The following GAS7 variants were observed in gnomAD, a reference collection of about 807,000 sequenced individuals.
The protein encoded by GAS7 is growth arrest specific 7.
Under a neutral mutation model 71.1 loss-of-function variants are expected in GAS7, and 28 were observed. The observed-to-expected ratio is 0.39, with a 90% CI of 0.29 to 0.54. GAS7 has a LOEUF of 0.54. GAS7 is among the 20% of genes least tolerant of loss of function. The pLI, the probability that GAS7 is intolerant of heterozygous loss-of-function variation, is 0.62. For missense variants in GAS7, 436 were observed against 627.8 expected (o/e 0.69, Z 3.27); for synonymous variants, 258 against 245.8 (o/e 1.05, Z -0.46).
At chr17:10,032,326 T>C (rs2072642213) in intron 1 of GAS7, among the ~76,000 whole-genome samples, 2 of 152,188 alleles carry the variant, frequency 1.3e-5, no homozygotes, top group African/African-American at 4.8e-5. Flanking sequence ...CTCCATTTCC[T>C]GATGAACTGT....
chr17:10,134,851 T>TA, intron 1 of GAS7, among the ~76,000 whole-genome samples: 1 of 151,880 alleles, frequency 6.6e-6, no homozygotes, highest in Admixed American at 6.6e-5. Context: ...TTTTTTTTTT[T>TA]AAGACAGTCT....
chr17:9,992,727 T>A (rs1360518888), intron 2 of GAS7, among the ~76,000 whole-genome samples: 1 of 151,470 alleles, frequency 6.6e-6, no homozygotes, highest in Non-Finnish European at 1.5e-5. Flanking sequence ...TAGCATTAGG[T>A]ATATCTCCCA....
At chr17:10,124,163 G>A (rs12602519) in intron 1 of GAS7, among the ~76,000 whole-genome samples, 46,305 of 152,174 alleles carry the variant, frequency 0.3, 7,739 homozygotes, top group East Asian at 0.48. Context: ...GGCTCCCCGC[G>A]CGGCTCCCAG....
At chr17:10,093,878 A>C (rs1232099465) in intron 1 of GAS7, among the ~76,000 whole-genome samples, 1 of 152,114 alleles carries the variant, frequency 6.6e-6, no homozygotes, top group Non-Finnish European at 1.5e-5. Flanking sequence ...CTCATTTTAA[A>C]TCCTTTGCTG....
At chr17:10,177,446 G>A (rs756959236) in intron 1 of GAS7, among the ~76,000 whole-genome samples, 1 of 152,100 alleles carries the variant, frequency 6.6e-6, no homozygotes, top group Non-Finnish European at 1.5e-5. Context: ...TGGAGATCAG[G>A]TGTGGAGAGG....
chr17:10,044,886 C>G (rs1030137337), intron 1 of GAS7, among the ~76,000 whole-genome samples: 2 of 151,950 alleles, frequency 1.3e-5, no homozygotes, highest in African/African-American at 4.8e-5. Context: ...AACTCCATCT[C>G]TACTGAAAAT....
At position 9,914,289 on chromosome 17, in the gene GAS7, C is replaced by T. The variant is rs778214212; in HGVS notation, c.*2939G>A. 2 of 191,690 alleles carry T rather than the reference C, an allele frequency of 1.0e-5. No homozygotes were observed. The highest frequency in any genetic ancestry group is 2.2e-5 in the Non-Finnish European group (2 of 91,568). The allele number at this position is 191,690 out of a possible 1,614,324, so 11.9% of individuals were successfully genotyped here. On this transcript the variant is annotated 3_prime_UTR_variant, in exon 14 of 14. Transcript: ENST00000432992. Reference sequence around the variant, plus strand: ...TCACCCAAGCTGGAGTGCAGTGGCCCGATCTTGGTTCACTGCAATCTCCGC... The same window carrying T: ...TCACCCAAGCTGGAGTGCAGTGGCCTGATCTTGGTTCACTGCAATCTCCGC...
chr17:9,929,536 G>C (rs987652704), intron 9 of GAS7, among the ~76,000 whole-genome samples: 1 of 152,004 alleles, frequency 6.6e-6, no homozygotes, highest in Non-Finnish European at 1.5e-5. Flanking sequence ...GTGCAATGGC[G>C]CAATCTTGGC....
chr17:9,970,021 A>G (rs530502538), intron 3 of GAS7, among the ~76,000 whole-genome samples: 1 of 152,306 alleles, frequency 6.6e-6, no homozygotes, highest in East Asian at 1.9e-4. Flanking sequence ...AGCAAAAGGA[A>G]TGTGCCTAAC....
At chr17:9,971,920 G>A (rs996678460) in intron 3 of GAS7, among the ~76,000 whole-genome samples, 7 of 152,190 alleles carry the variant, frequency 4.6e-5, no homozygotes, top group Admixed American at 6.5e-5. Context: ...CGGAGAACCC[G>A]TCTCCTGCTC....
At chr17:10,032,050 A>G (rs571661372) in intron 1 of GAS7, among the ~76,000 whole-genome samples, 10 of 151,488 alleles carry the variant, frequency 6.6e-5, no homozygotes, top group Non-Finnish European at 1.3e-4. Context: ...AGCTCCAGAA[A>G]TAACAAGGGA....
intron 1 of GAS7, among the ~76,000 whole-genome samples, chr17:10,057,691 C>T (rs74323262): frequency 1.6e-4 from 24 of 152,080 alleles, no homozygotes; most frequent in African/African-American, 5.3e-4. Flanking sequence ...TCTGCCTGGC[C>T]GCCCCTTCTG....
intron 8 of GAS7, among the ~76,000 whole-genome samples, chr17:9,937,388 A>G (rs1730869381): frequency 6.6e-6 from 1 of 152,230 alleles, no homozygotes; most frequent in Admixed American, 6.5e-5. Flanking sequence ...AAGACTCCGG[A>G]GTGGCACAGT....
chr17:9,995,132 G>A (rs2070989246), intron 2 of GAS7, among the ~76,000 whole-genome samples: 1 of 152,204 alleles, frequency 6.6e-6, no homozygotes. Context: ...CTGGCTGGAA[G>A]AAGAATCTCT....
intron 1 of GAS7, among the ~76,000 whole-genome samples, chr17:10,143,677 G>A (rs1367321972): frequency 6.6e-6 from 1 of 152,188 alleles, no homozygotes; most frequent in Non-Finnish European, 1.5e-5. Context: ...GGTACAGAGG[G>A]AGGACCACGT....
rs547693374 is a variant in GAS7, at chr17:9,925,458, C to A, written c.1138+18G>T. The A allele has an allele frequency of 3.1e-6, 5 of 1,613,618 alleles. No homozygotes were observed. The highest frequency in any genetic ancestry group is 2.7e-5 in the African/African-American group (2 of 75,044). ...TTCTGTGTGCACTGACCAGGCCAGG[C>A]GGGTGCCCAGCACTTACCAGCCTGT... On this transcript the variant is annotated intron_variant, in intron 11 of 13. Transcript: ENST00000432992.
At chr17:9,965,721 T>C (rs9906841) in intron 4 of GAS7, among the ~76,000 whole-genome samples, 3,671 of 152,316 alleles carry the variant, frequency 0.024, 173 homozygotes, top group East Asian at 0.098. Context: ...CCCTCGCCTC[T>C]GCCCCCGAAT....
At chr17:9,938,102 C>T (rs767981245) in intron 8 of GAS7, among the ~76,000 whole-genome samples, 2 of 152,074 alleles carry the variant, frequency 1.3e-5, no homozygotes, top group African/African-American at 2.4e-5. Context: ...TAGGTTAAAA[C>T]CCTAACCCAC....
At chr17:10,132,155 C>T (rs1306381978) in intron 1 of GAS7, among the ~76,000 whole-genome samples, 2 of 152,218 alleles carry the variant, frequency 1.3e-5, no homozygotes, top group African/African-American at 2.4e-5. Flanking sequence ...TGTATGAATA[C>T]ATGTACTCGT....
Sources: allele counts gnomAD v4.1 joint callset (sites outside exome capture counted in the v4.1 genomes callset), GRCh38; gene constraint gnomAD v4.1.1; transcripts MANE v1.5; gene names NCBI Gene and HGNC (gene_info 2026-07-23, HGNC 2026-07-21).